Variants in PLXNA4 observed in about 807,000 individuals in gnomAD.
PLXNA4 encodes the protein plexin-A4.
PLXNA4 carries 44 observed loss-of-function variants against 191.8 expected under a neutral mutation model. That is an observed-to-expected ratio of 0.23 (90% CI 0.18 to 0.29). The LOEUF (loss-of-function observed/expected upper bound fraction) is 0.29. Ranked by LOEUF, PLXNA4 falls within the 10% of genes least tolerant of loss-of-function variation. PLXNA4 has a pLI of 1.00. For missense variants in PLXNA4, 1,800 were observed against 2,488.8 expected (o/e 0.72, Z 5.89); for synonymous variants, 1,082 against 1,009.5 (o/e 1.07, Z -1.36).
chr7:132,253,233 T>C (rs1388081755), intron 4 of PLXNA4, among the ~76,000 whole-genome samples: 3 of 35,032 alleles, frequency 8.6e-5, no homozygotes, highest in Non-Finnish European at 1.4e-4. Context: ...TTCTTTTTTC[T>C]TTTTTTTTTT....
chr7:132,581,886 A>G (rs1269999669), upstream of PLXNA4, among the ~76,000 whole-genome samples: 1 of 152,172 alleles, frequency 6.6e-6, no homozygotes, highest in East Asian at 1.9e-4. Context: ...AACAAAAACA[A>G]CAAACAAACA....
chr7:132,576,171 G>C lies in PLXNA4; in HGVS notation c.-87+251C>G, dbSNP rs948568968. Reference sequence around the variant, plus strand: ...AAGAGAAGTCTGAGTCCAGGAGCGTGAGAGGAGAACACACCCGGGAAATCC... The same window carrying C: ...AAGAGAAGTCTGAGTCCAGGAGCGTCAGAGGAGAACACACCCGGGAAATCC... On this transcript the variant is annotated intron_variant, in intron 1 of 31. Coordinates refer to ENST00000321063, the MANE Select transcript of PLXNA4 (RefSeq NM_020911.2). The surrounding 1 kb of genome is among the most constrained non-coding windows in gnomAD (Gnocchi z 5.8). Among the ~76,000 whole-genome samples, 2 of 152,228 alleles carry C rather than the reference G, an allele frequency of 1.3e-5. No individual in the cohort carries two copies. The highest frequency in any genetic ancestry group is 4.8e-5 in the African/African-American group (2 of 41,456).
At chr7:132,248,062 C>G (rs957605665) in intron 4 of PLXNA4, among the ~76,000 whole-genome samples, 5 of 152,192 alleles carry the variant, frequency 3.3e-5, no homozygotes, top group Admixed American at 3.3e-4. Flanking sequence ...TTGGGCATGG[C>G]CTCAGAACTC....
rs111885786 is a variant in PLXNA4 at position 132,257,266 on chromosome 7, T to C, written c.1504-16100A>G. Among the ~76,000 whole-genome samples the C allele has an allele frequency of 6.9e-3, 1,049 of 152,298 alleles. 21 individuals are homozygous for C. Among genetic ancestry groups the C allele is most frequent in the African/African-American group, 0.024 (980 of 41,570 alleles). On this transcript the variant is annotated intron_variant, in intron 4 of 31. Transcript: ENST00000321063. Reference sequence around the variant, plus strand: ...AAGTTGTCCCAAACATCATGGACAATGATGAAGGCAGAGTTGGCTTGGAGA... The same window carrying C: ...AAGTTGTCCCAAACATCATGGACAACGATGAAGGCAGAGTTGGCTTGGAGA...
chr7:132,125,453 C>A lies in PLXNA4; in HGVS notation c.*5026G>T, dbSNP rs2116465345. The A allele has an allele frequency of 6.6e-6, 1 of 152,174 alleles. No individual in the cohort carries two copies. The highest frequency in any genetic ancestry group is 2.4e-5 in the African/African-American group (1 of 41,506). The allele number at this position is 152,174 out of a possible 1,614,324, so 9.4% of individuals were successfully genotyped here. On this transcript the variant is annotated 3_prime_UTR_variant, in exon 32 of 32. Transcript: ENST00000321063. ...GGCTCCTCCTGTCCTCTGAACCTCT[C>A]CTCATCCCCTTGGAAGTCATAGGTT...
chr7:132,267,157 A>C (rs964202423), intron 4 of PLXNA4, among the ~76,000 whole-genome samples: 4 of 152,222 alleles, frequency 2.6e-5, no homozygotes, highest in Non-Finnish European at 5.9e-5. Flanking sequence ...AGAAGTCAGG[A>C]AAAATAATCA....
intron 9 of PLXNA4, among the ~76,000 whole-genome samples, chr7:132,214,196 TC>T (rs1275245616): frequency 1.3e-5 from 2 of 152,070 alleles, no homozygotes; most frequent in African/African-American, 2.4e-5. Context: ...TGTGAAACCC[TC>T]CGGAGCTGGG....
At chr7:132,268,094 G>A (rs1168547478) in intron 4 of PLXNA4, among the ~76,000 whole-genome samples, 1 of 152,134 alleles carries the variant, frequency 6.6e-6, no homozygotes, top group African/African-American at 2.4e-5. Flanking sequence ...AGTGATCATG[G>A]TACACACCGT....
intron 3 of PLXNA4, among the ~76,000 whole-genome samples, chr7:132,356,433 G>T (rs1272769303): frequency 6.6e-6 from 1 of 152,208 alleles, no homozygotes; most frequent in African/African-American, 2.4e-5. Flanking sequence ...CAATGCTGTT[G>T]TTAAAAAACA....
At chr7:132,605,940 G>A (rs1428742092) in intron 2 of PLXNA4, among the ~76,000 whole-genome samples, 1 of 152,066 alleles carries the variant, frequency 6.6e-6, no homozygotes, top group Non-Finnish European at 1.5e-5. Flanking sequence ...GAGGCAGGTG[G>A]ATCACTTGAG....
intron 3 of PLXNA4, among the ~76,000 whole-genome samples, chr7:132,404,212 G>A (rs771019992): frequency 2.6e-5 from 4 of 152,216 alleles, no homozygotes; most frequent in Non-Finnish European, 4.4e-5. Flanking sequence ...CCAGGAGGCT[G>A]ATGTGAGGCT....
chr7:132,217,359 G>A (rs1310071385), intron 9 of PLXNA4, among the ~76,000 whole-genome samples: 1 of 152,238 alleles, frequency 6.6e-6, no homozygotes, highest in Non-Finnish European at 1.5e-5. Flanking sequence ...GCTGCCTTCA[G>A]GGCTGGTGCT....
rs1404739436 is a variant in PLXNA4, at chr7:132,532,050, A to G, written c.-86-23271T>C. Among the ~76,000 whole-genome samples the G allele has an allele frequency of 2.6e-5, 4 of 152,222 alleles. No individual in the cohort carries two copies. The East Asian group carries it at 7.7e-4, about 29-fold the overall frequency. On this transcript the variant is annotated intron_variant, in intron 1 of 31. Transcript: ENST00000321063. ...CTCAGTCCAAAGTTTTTTTCACTAC[A>G]GCATAAAGCCATCACCCCAGTGTTC...
At chr7:132,426,728 A>C (rs544846553) in intron 3 of PLXNA4, among the ~76,000 whole-genome samples, 2 of 152,286 alleles carry the variant, frequency 1.3e-5, no homozygotes, top group African/African-American at 4.8e-5. Flanking sequence ...TGGGTACAAG[A>C]GTGCTCCCCA....
At chr7:132,233,842 A>T (rs1009437377) in intron 5 of PLXNA4, among the ~76,000 whole-genome samples, 1 of 152,236 alleles carries the variant, frequency 6.6e-6, no homozygotes, top group African/African-American at 2.4e-5. Flanking sequence ...CCATGCTTTG[A>T]ATGAACAATC....
At chr7:132,475,699 G>A (rs1797097886) in intron 3 of PLXNA4, among the ~76,000 whole-genome samples, 1 of 152,136 alleles carries the variant, frequency 6.6e-6, no homozygotes, top group Admixed American at 6.5e-5. Flanking sequence ...CTGCCGGGAA[G>A]CGAGGTCAGC....
chr7:132,165,447 G>A (rs770999580), intron 22 of PLXNA4, among the ~76,000 whole-genome samples: 5 of 152,164 alleles, frequency 3.3e-5, no homozygotes, highest in Non-Finnish European at 5.9e-5. Flanking sequence ...CTGTGGGTGG[G>A]ATTTTGGCTG....
intron 3 of PLXNA4, among the ~76,000 whole-genome samples, chr7:132,478,894 C>A (rs935544439): frequency 9.2e-5 from 14 of 152,142 alleles, no homozygotes; most frequent in African/African-American, 3.4e-4. Flanking sequence ...GACAACCCAT[C>A]TCTTTCCTTC....
In PLXNA4 at chr7:132,594,911, GTAGATAGATAGATAGATAGATAGATAGA is replaced by G. The variant is rs71178042; in HGVS notation, c.-87+50989_-87+51016del. 2.0e-3 allele frequency among the ~76,000 whole-genome samples: 282 copies of G among 137,896 alleles called. 1 individual carries two copies. The highest frequency in any genetic ancestry group is 7.4e-3 in the African/African-American group (265 of 36,018). The allele number at this position is 137,896 out of a possible 152,430, so 90.5% of individuals were successfully genotyped here. ...TTTCCATTCAGACATAGATAGATAGGTAGATAGATAGATAGATAGATAGATAGATAGATAGATAGATAGATAGATAGAT... is the reference window on the plus strand; with the variant it reads ...TTTCCATTCAGACATAGATAGATAGGTAGATAGATAGATAGATAGATAGAT... On this transcript the variant is annotated intron_variant, in intron 2 of 4. Coordinates refer to the PLXNA4 transcript ENST00000378539.
Sources: allele counts gnomAD v4.1 joint callset (sites outside exome capture counted in the v4.1 genomes callset), GRCh38; gene constraint gnomAD v4.1.1; non-coding constraint Gnocchi (gnomAD v3.1); transcripts MANE v1.5; gene names NCBI Gene and HGNC (gene_info 2026-07-23, HGNC 2026-07-21).